Variants in TG observed in about 807,000 individuals in gnomAD.
The protein encoded by TG is thyroglobulin.
TG carries 270 observed loss-of-function variants against 324.7 expected under a neutral mutation model. That is an observed-to-expected ratio of 0.83 (90% CI 0.75 to 0.92). TG has a LOEUF of 0.92. TG is among the 40% of genes least tolerant of loss of function. The probability of loss-of-function intolerance (pLI) is 0.00; values close to 1 mark genes in which losing one functional copy is unlikely to be tolerated. For missense variants in TG, 3,591 were observed against 3,456.4 expected, an observed-to-expected ratio of 1.04 and a Z score of -0.98; for synonymous variants, 1,401 against 1,327.0, an observed-to-expected ratio of 1.06 and a Z score of -1.21.
intron 41 of TG, chr8:133,060,350 A>C (rs753437485): frequency 8.4e-6 from 13 of 1,545,484 alleles, no homozygotes; most frequent in Non-Finnish European, 1.1e-5. Flanking sequence ...AGATTGGTGA[A>C]GATTGGTTAC....
intron 43 of TG, among the ~76,000 whole-genome samples, chr8:133,099,074 A>G (rs1395481854): frequency 1.3e-5 from 2 of 152,220 alleles, no homozygotes; most frequent in Non-Finnish European, 2.9e-5. Flanking sequence ...TTGCAAAGAA[A>G]GATGGGGCCA....
chr8:132,888,316 T>A lies in TG; in HGVS notation c.2509T>A (p.Ser837Thr). 3 of 1,614,080 alleles carry A rather than the reference T, an allele frequency of 1.9e-6. No individual in the cohort carries two copies. Among genetic ancestry groups the A allele is most frequent in the Middle Eastern group, 1.6e-4 (1 of 6,062 alleles). The change falls in exon 10 of 48, where the codon TCA becomes ACA. Residue 837 changes from serine to threonine, a missense_variant. Physicochemically the swap from Ser to Thr is moderately conservative, Grantham distance 58 (BLOSUM62 1). Transcript: ENST00000220616. ...AGQQDVFPVLSQYPSLQDVPL... is the reference protein window; with the variant it reads ...AGQQDVFPVLTQYPSLQDVPL... ...CCAGCAAGATGTCTTCCCGGTGCTG[T>A]CACAATACCCTTCTCTGCAAGATGT...
At chr8:132,934,852 A>G (rs897144879) in intron 24 of TG, among the ~76,000 whole-genome samples, 1 of 152,218 alleles carries the variant, frequency 6.6e-6, no homozygotes, top group Non-Finnish European at 1.5e-5. Flanking sequence ...GAGAGATCAG[A>G]AAGGGCCAAG....
chr8:133,030,629 A>G (rs537298734), intron 41 of TG, among the ~76,000 whole-genome samples: 1 of 152,366 alleles, frequency 6.6e-6, no homozygotes, highest in East Asian at 1.9e-4. Flanking sequence ...ATGAAACATT[A>G]TACATAACCC....
At chr8:133,011,877 A>C in intron 35 of TG, 24 bp from the exon 36 acceptor site, 1 of 1,614,068 alleles carries the variant, frequency 6.2e-7, no homozygotes, top group East Asian at 2.2e-5. Flanking sequence ...ACTGCATGTG[A>C]CTGTCCGTTG....
At chr8:132,937,033 A>G (rs934831756) in intron 25 of TG, among the ~76,000 whole-genome samples, 1 of 151,924 alleles carries the variant, frequency 6.6e-6, no homozygotes, top group Non-Finnish European at 1.5e-5. Flanking sequence ...GAGGTGACAC[A>G]TGTGAAACTG....
intron 35 of TG, among the ~76,000 whole-genome samples, chr8:132,985,682 C>A (rs1831432165): frequency 1.3e-5 from 2 of 152,178 alleles, no homozygotes; most frequent in Non-Finnish European, 2.9e-5. Flanking sequence ...CCCTGCTGTA[C>A]CCCTGCCCTC....
rs1828886885 is a variant in TG at position 132,968,034 on chromosome 8, G to C, written c.5863+64G>C. Reference sequence around the variant, plus strand: ...ATGTTCTGCTGGCTCTGTGGTTTTAGAAAGATCCACATTAGTTTCTTATTT... The same window carrying C: ...ATGTTCTGCTGGCTCTGTGGTTTTACAAAGATCCACATTAGTTTCTTATTT... On this transcript the variant is annotated intron_variant, in intron 31 of 47. Coordinates refer to ENST00000220616, the MANE Select transcript of TG (RefSeq NM_003235.5). The C allele has an allele frequency of 4.1e-5, 64 of 1,574,310 alleles. 1 individual carries two copies. In the South Asian group the frequency reaches 7.2e-4, roughly 18 times the overall value.
At chr8:132,982,309 C>A (rs1410212867) in intron 34 of TG, among the ~76,000 whole-genome samples, 1 of 152,180 alleles carries the variant, frequency 6.6e-6, no homozygotes, top group Non-Finnish European at 1.5e-5. Flanking sequence ...GGCCATGCTA[C>A]ATTGCCGCAG....
chr8:132,953,151 A>G (rs1408674082), intron 27 of TG, among the ~76,000 whole-genome samples: 2 of 152,146 alleles, frequency 1.3e-5, no homozygotes, highest in Non-Finnish European at 2.9e-5. Context: ...CTGTTGGGAG[A>G]AGGGAACAGA....
At chr8:132,972,072 A>G (rs1034373448) in intron 33 of TG, among the ~76,000 whole-genome samples, 199 bp downstream of exon 33, 3 of 152,134 alleles carry the variant, frequency 2.0e-5, no homozygotes, top group African/African-American at 4.8e-5. Flanking sequence ...ATCACTTTAC[A>G]TGTGCAGTTC....
intron 11 of TG, among the ~76,000 whole-genome samples, chr8:132,894,752 C>T (rs1816862380): frequency 6.6e-6 from 1 of 152,206 alleles, no homozygotes; most frequent in Non-Finnish European, 1.5e-5. Flanking sequence ...TGAGTCACAG[C>T]CCTTAACCAG....
chr8:133,094,700 C>T (rs1848145906), intron 41 of TG: 1 of 384,056 alleles, frequency 2.6e-6, no homozygotes, highest in Non-Finnish European at 5.0e-6. Context: ...GTTCTCTTCC[C>T]AGAGGACTTT....
At chr8:133,098,326 A>C (rs2131664122) in intron 43 of TG, among the ~76,000 whole-genome samples, 1 of 152,314 alleles carries the variant, frequency 6.6e-6, no homozygotes, top group South Asian at 2.1e-4. Flanking sequence ...ATTATTATAA[A>C]CCCTTTATTG....
chr8:133,035,500 ACTTAT>A (rs1837020158), intron 41 of TG, among the ~76,000 whole-genome samples: 1 of 152,090 alleles, frequency 6.6e-6, no homozygotes, highest in African/African-American at 2.4e-5. Context: ...TTATTTATTT[ACTTAT>A]CTTTGCTTAC....
intron 43 of TG, among the ~76,000 whole-genome samples, chr8:133,109,407 C>T (rs539386903): frequency 9.4e-4 from 143 of 152,278 alleles, no homozygotes; most frequent in Non-Finnish European, 1.9e-3. Flanking sequence ...GGTGTTTAGG[C>T]AGGAGGAACA....
intron 27 of TG, among the ~76,000 whole-genome samples, chr8:132,957,766 C>CACACACACACACACACACACAG (rs1554680118): frequency 0.072 from 10,419 of 145,394 alleles, 619 homozygotes; most frequent in East Asian, 0.33. Flanking sequence ...CACACACACA[C>CACACACACACACACACACACAG]ACACACACAC....
rs1450830379 is a variant in TG, at chr8:132,949,056, A to G, written c.5401+113A>G. ...TGGCCTGAGGAGCTTATACTTCTGA[A>G]AAAAAAAAAAAAACTTTACCAATCA... On this transcript the variant is annotated intron_variant, in intron 27 of 47. Transcript: ENST00000220616. 10 of 171,750 alleles carry G rather than the reference A, an allele frequency of 5.8e-5. No homozygotes were observed. The East Asian group carries it at 9.2e-4, about 16-fold the overall frequency. 10.6% of individuals were successfully genotyped at this position (171,750 alleles called of 1,614,324 possible).
chr8:132,914,369 C>A (rs1819988229), intron 20 of TG, among the ~76,000 whole-genome samples: 1 of 152,082 alleles, frequency 6.6e-6, no homozygotes, highest in Non-Finnish European at 1.5e-5. Context: ...TTATTTTTTT[C>A]AATTATTTAT....
Sources: allele counts gnomAD v4.1 joint callset (sites outside exome capture counted in the v4.1 genomes callset), GRCh38; gene constraint gnomAD v4.1.1; transcripts MANE v1.5; gene names NCBI Gene and HGNC (gene_info 2026-07-23, HGNC 2026-07-21).